The following ARHGEF28 variants were observed in gnomAD, a reference collection of about 807,000 sequenced individuals.
The protein encoded by ARHGEF28 is 190 kDa guanine nucleotide exchange factor.
A neutral mutation model predicts 206.6 loss-of-function variants in ARHGEF28; 152 were observed. The observed-to-expected ratio is 0.74, with a 90% CI of 0.64 to 0.84. The LOEUF is 0.84. Among genes scored for constraint, ARHGEF28 ranks in the 40% least tolerant of loss-of-function variants. The probability of loss-of-function intolerance (pLI) is 0.00; values close to 1 mark genes in which losing one functional copy is unlikely to be tolerated. For missense variants in ARHGEF28, 2,028 were observed against 2,073.2 expected, an observed-to-expected ratio of 0.98 and a Z score of 0.42; for synonymous variants, 763 against 776.4, an observed-to-expected ratio of 0.98 and a Z score of 0.29.
intron 2 of ARHGEF28, among the ~76,000 whole-genome samples, chr5:73,707,901 A>G (rs920029410): frequency 1.1e-4 from 16 of 152,250 alleles, no homozygotes; most frequent in African/African-American, 3.6e-4. Flanking sequence ...CCTGGCTGGT[A>G]TTACTGATTT....
At chr5:73,675,585 T>G (rs866821231) in intron 1 of ARHGEF28, among the ~76,000 whole-genome samples, 1 of 151,674 alleles carries the variant, frequency 6.6e-6, no homozygotes, top group Non-Finnish European at 1.5e-5. Flanking sequence ...ACAAAAAAAT[T>G]AGCTGGGCGT....
At chr5:73,632,509 CTTAGACTTTTAAAA>C (rs1743431869) in intron 1 of ARHGEF28, among the ~76,000 whole-genome samples, 1 of 152,160 alleles carries the variant, frequency 6.6e-6, no homozygotes, top group Non-Finnish European at 1.5e-5. Flanking sequence ...ATTTGGAAAG[CTTAGACTTTTAAAA>C]ACAATTCTCC....
chr5:73,670,625 C>A (rs12517083), intron 1 of ARHGEF28, among the ~76,000 whole-genome samples: 56,061 of 152,018 alleles, frequency 0.37, 11,835 homozygotes, highest in Admixed American at 0.53. Flanking sequence ...AGCAAAAAAA[C>A]CAGTTTTTCC....
intron 11 of ARHGEF28, among the ~76,000 whole-genome samples, chr5:73,841,810 G>A (rs1429798328): frequency 6.6e-6 from 1 of 151,900 alleles, no homozygotes; most frequent in Admixed American, 6.6e-5. Flanking sequence ...AAGGAAATAG[G>A]GAAATGGGAA....
chr5:73,716,617 A>G (rs1749603269), intron 2 of ARHGEF28, among the ~76,000 whole-genome samples: 1 of 152,110 alleles, frequency 6.6e-6, no homozygotes, highest in South Asian at 2.1e-4. Flanking sequence ...TTTGTTGTGG[A>G]TACACCACTT....
intron 1 of ARHGEF28, among the ~76,000 whole-genome samples, chr5:73,671,014 G>A (rs765647139): frequency 4.0e-5 from 6 of 151,892 alleles, no homozygotes; most frequent in African/African-American, 9.7e-5. Flanking sequence ...AGGTCTAACG[G>A]GCCCTTGAGA....
At chr5:73,870,948 C>T (rs545413216) in intron 21 of ARHGEF28, among the ~76,000 whole-genome samples, 8 of 152,250 alleles carry the variant, frequency 5.3e-5, no homozygotes, top group East Asian at 3.9e-4. Context: ...CCAAAGTCCA[C>T]GGGCAGTGAG....
rs1757930409 is a variant in ARHGEF28, at chr5:73,840,645, C to A, written c.1312C>A (p.His438Asn). The A allele has an allele frequency of 6.2e-7, 1 of 1,613,716 alleles. No homozygotes were observed. The highest frequency in any genetic ancestry group is 1.3e-5 in the African/African-American group (1 of 74,920). ...PLSENVEGTA[H>N]TEAQQSFMSP... is the part of the protein sequence containing the mutation. The stretch of plus-strand genomic sequence containing the variant: ...TAGTGAAAATGTCGAAGGGACAGCA[C>A]ACACTGAAGCCCAGCAGTCCTTCAT... The change falls in exon 11 of 36, where the codon CAC becomes AAC. Residue 438 changes from histidine (H) to asparagine (N), a missense_variant. By Grantham distance (68) the His-to-Asn change is moderately conservative. Around this residue, in one of 3 missense-constraint regions of ARHGEF28, gnomAD observed 1,002 missense variants for 1,015.3 expected, o/e 0.99. Coordinates refer to ENST00000513042, the MANE Select transcript of ARHGEF28 (RefSeq NM_001177693.2).
At chr5:73,869,397 C>T (rs878973851) in intron 20 of ARHGEF28, among the ~76,000 whole-genome samples, 1 of 152,068 alleles carries the variant, frequency 6.6e-6, no homozygotes, top group Admixed American at 6.6e-5. Flanking sequence ...TACAAAATAA[C>T]GCGGGGCAGA....
intron 1 of ARHGEF28, among the ~76,000 whole-genome samples, chr5:73,651,611 A>G (rs1195153373): frequency 1.3e-5 from 2 of 152,342 alleles, no homozygotes; most frequent in South Asian, 2.1e-4. Context: ...TGTGAACACA[A>G]TTGAGATCAT....
intron 7 of ARHGEF28, among the ~76,000 whole-genome samples, chr5:73,791,349 G>A (rs1246650647): frequency 1.3e-5 from 2 of 152,210 alleles, no homozygotes; most frequent in Non-Finnish European, 2.9e-5. Context: ...ACTACCATCA[G>A]GGTGTTTTTC....
chr5:73,815,311 AT>A (rs147580975), intron 9 of ARHGEF28, among the ~76,000 whole-genome samples: 1 of 151,864 alleles, frequency 6.6e-6, no homozygotes, highest in Non-Finnish European at 1.5e-5. Flanking sequence ...ATATATTGCT[AT>A]TTTTTTGTGC....
chr5:73,649,388 G>A (rs1025759316), intron 1 of ARHGEF28, among the ~76,000 whole-genome samples: 4 of 152,190 alleles, frequency 2.6e-5, no homozygotes, highest in Admixed American at 1.3e-4. Flanking sequence ...GAAAAAGCAT[G>A]CCTTGTTGGT....
chr5:73,753,556 T>C (rs1162509484), intron 4 of ARHGEF28, among the ~76,000 whole-genome samples: 1 of 152,190 alleles, frequency 6.6e-6, no homozygotes, highest in African/African-American at 2.4e-5. Flanking sequence ...ATAGGTAGGC[T>C]CACTGGACAA....
chr5:73,684,737 T>C, intron 1 of ARHGEF28, 104 bp from the exon 2 acceptor site: 1 of 843,368 alleles, frequency 1.2e-6, no homozygotes, highest in Non-Finnish European at 1.8e-6. Flanking sequence ...TCCTATCTAA[T>C]GAGTTTGCTT....
In ARHGEF28 at chr5:73,776,673, T is replaced by C. The variant is rs2112452844; in HGVS notation, c.817T>C (p.Trp273Arg). ...ADIKLFRKYF[W>R]DRAFLVKAFE... ...TATTAAACTCTTCCGGAAATACTTT[T>C]GGGATAGAGCCTTTCTTGTCAAGGT... is the stretch of plus-strand genomic sequence containing the variant. Residue 273 changes from tryptophan (W) to arginine (R), a missense_variant, in exon 6 of 36, where the codon TGG becomes CGG. Coordinates refer to ENST00000513042, the MANE Select transcript of ARHGEF28 (RefSeq NM_001177693.2). 1 of 1,613,458 alleles carries C rather than the reference T, an allele frequency of 6.2e-7. No individual in the cohort carries two copies. Among genetic ancestry groups the C allele is most frequent in the South Asian group, 1.1e-5 (1 of 90,984 alleles).
At chr5:73,685,323 G>A (rs546384337) in intron 2 of ARHGEF28, among the ~76,000 whole-genome samples, 1 of 152,214 alleles carries the variant, frequency 6.6e-6, no homozygotes, top group African/African-American at 2.4e-5. Context: ...TGGCGCTGGG[G>A]GGGACAGGAA....
chr5:73,679,650 T>C (rs1005753140), intron 1 of ARHGEF28, among the ~76,000 whole-genome samples: 26 of 152,114 alleles, frequency 1.7e-4, no homozygotes, highest in African/African-American at 5.8e-4. Context: ...CATTTTCTCT[T>C]TCACTTATTA....
Position 73,901,247 on chromosome 5 carries a change from T to A in ARHGEF28, c.4037T>A (p.Val1346Glu), listed in dbSNP as rs755512341. The A allele has an allele frequency of 1.2e-6, 2 of 1,613,362 alleles. No individual in the cohort carries two copies. Among genetic ancestry groups the A allele is most frequent in the South Asian group, 2.2e-5 (2 of 90,952 alleles). ...GATGTGGATCCCGGGATCCAGGGTG[T>A]GGTAACCGACTTGGCCGTCTCTGAT... is the stretch of plus-strand genomic sequence containing the variant. ...CSDVDPGIQG[V>E]VTDLAVSDAG... Residue 1346 changes from valine to glutamate, a missense_variant, in exon 31 of 36, where the codon GTG (valine) becomes GAG (glutamate). Coordinates refer to ENST00000513042, the MANE Select transcript of ARHGEF28 (RefSeq NM_001177693.2).
Sources: gnomAD v4.1 joint callset for allele counts (sites outside exome capture counted in the v4.1 genomes callset) on GRCh38, gnomAD v4.1.1 for gene constraint, gnomAD v4.1.1 regional missense constraint, MANE v1.5 for transcripts, NCBI Gene and HGNC (gene_info 2026-07-23, HGNC 2026-07-21) for gene names.